PDE2A: variants seen among roughly 807,000 people sequenced by gnomAD.
The protein encoded by PDE2A is phosphodiesterase 2A, also known as cGMP-dependent 3',5'-cyclic phosphodiesterase.
Under a neutral mutation model 133.6 loss-of-function variants are expected in PDE2A, and 53 were observed. The observed-to-expected ratio is 0.40, with a 90% confidence interval of 0.32 to 0.50. The LOEUF (loss-of-function observed/expected upper bound fraction) is 0.50, where lower values mean the gene tolerates loss of function less well. PDE2A is among the 20% of genes least tolerant of loss of function. The probability of loss-of-function intolerance (pLI) is 0.73; values close to 1 mark genes in which losing one functional copy is unlikely to be tolerated. For missense variants in PDE2A, 796 were observed against 1,232.4 expected (o/e 0.65, Z 5.30); for synonymous variants, 491 against 490.2 (o/e 1.00, Z -0.02).
At chr11:72,652,838 C>G (rs571864720) in intron 1 of PDE2A, 1 of 402,768 alleles carries the variant, frequency 2.5e-6, no homozygotes, top group Non-Finnish European at 4.9e-6. Flanking sequence ...TCCCCCAGTC[C>G]TTCCTTGGCT....
At position 72,608,843 on chromosome 11, in the gene PDE2A, T is replaced by C. The variant is rs1857084914; in HGVS notation, c.145-92A>G. ...GGACTGTGAGCAAAACCCCCCAGCTTAGTCCAGAGCCCGAGTCTTTCAGGC... is the reference window on the plus strand; with the variant it reads ...GGACTGTGAGCAAAACCCCCCAGCTCAGTCCAGAGCCCGAGTCTTTCAGGC... On this transcript the variant is annotated intron_variant, in intron 2 of 30. Coordinates refer to ENST00000334456, the MANE Select transcript of PDE2A (RefSeq NM_002599.5). 3 of 706,870 alleles carry C rather than the reference T, an allele frequency of 4.2e-6. No homozygotes were observed. In the Admixed American group the frequency reaches 6.3e-5, roughly 15 times the overall value. 43.8% of individuals were successfully genotyped at this position (706,870 alleles called of 1,614,324 possible).
intron 20 of PDE2A, 43 bp from the exon 21 acceptor site, chr11:72,582,609 C>G (rs1426500636): frequency 6.4e-7 from 1 of 1,564,978 alleles, no homozygotes; most frequent in Admixed American, 1.8e-5. Flanking sequence ...GCCTTCACCC[C>G]ATCTGGTGTC....
chr11:72,629,189 C>A (rs375936526), intron 2 of PDE2A, among the ~76,000 whole-genome samples: 14 of 152,312 alleles, frequency 9.2e-5, no homozygotes, highest in African/African-American at 3.4e-4. Flanking sequence ...GTGGGGCCGA[C>A]CCAGGGAAGC....
At chr11:72,667,887 G>A (rs1339189216) in intron 1 of PDE2A, among the ~76,000 whole-genome samples, 1 of 151,468 alleles carries the variant, frequency 6.6e-6, no homozygotes, top group East Asian at 1.9e-4. Context: ...AAAAAAAAGG[G>A]TGAGGGAAGA....
chr11:72,650,876 T>TACACACACACACAC (rs58905066), intron 1 of PDE2A, among the ~76,000 whole-genome samples: 3 of 130,386 alleles, frequency 2.3e-5, no homozygotes, highest in East Asian at 4.8e-4. Context: ...CAGTCCCCAC[T>TACACACACACACAC]ACACACACAC....
At chr11:72,663,981 C>A (rs562549744) in intron 1 of PDE2A, among the ~76,000 whole-genome samples, 3 of 152,296 alleles carry the variant, frequency 2.0e-5, no homozygotes, top group Admixed American at 6.5e-5. Flanking sequence ...GGCTCCCTTG[C>A]CCCCTGGCAT....
At chr11:72,579,079 G>A (rs1591007971) in intron 27 of PDE2A, 70 bp from the exon 28 acceptor site, 2 of 1,220,906 alleles carry the variant, frequency 1.6e-6, no homozygotes, top group East Asian at 2.4e-5. Flanking sequence ...AAGGCTCCCA[G>A]GGCCCAACCC....
chr11:72,582,650 G>GA lies in PDE2A; in HGVS notation c.1729-85dup. 1.3e-5 allele frequency: 18 copies of GA among 1,370,118 alleles called. No individual in the cohort carries two copies. In the South Asian group the frequency reaches 2.2e-4, roughly 16 times the overall value. The allele number at this position is 1,370,118 out of a possible 1,614,324, so 84.9% of individuals were successfully genotyped here. A position where few individuals can be genotyped will look rare whatever the true frequency, so the allele number is the denominator to read the frequency against. On this transcript the variant is annotated intron_variant, in intron 20 of 30. Coordinates refer to ENST00000334456, the MANE Select transcript of PDE2A (RefSeq NM_002599.5). Reference sequence around the variant, plus strand: ...CCTCAAATTCCCATGGCAGGTGGGGGATCCGTCACCCAGAATGTACCACAG... The same window carrying GA: ...CCTCAAATTCCCATGGCAGGTGGGGGAATCCGTCACCCAGAATGTACCACAG...
chr11:72,581,117 A>G, intron 23 of PDE2A, 144 bp from the exon 24 acceptor site: 2 of 739,638 alleles, frequency 2.7e-6, no homozygotes, highest in Non-Finnish European at 4.7e-6. Flanking sequence ...CCTGGAAAGA[A>G]GCACTGGTTT....
At chr11:72,668,371 G>A (rs1471012630) in intron 1 of PDE2A, 2 of 718,592 alleles carry the variant, frequency 2.8e-6, no homozygotes, top group Non-Finnish European at 5.2e-6. Flanking sequence ...TGGGTTTGTG[G>A]TGAGGATTAA....
At chr11:72,673,964 C>T (rs923273159) in intron 1 of PDE2A, among the ~76,000 whole-genome samples, 173 bp downstream of exon 1, 2 of 152,176 alleles carry the variant, frequency 1.3e-5, no homozygotes, top group African/African-American at 4.8e-5. Context: ...GTAACCTGCC[C>T]CCACCCCAGG....
chr11:72,578,419 G>C lies in PDE2A; in HGVS notation c.2508+57C>G, dbSNP rs190132700. ...GGTCAGGCTAGTTCAAGCCCTCCCT[G>C]TCCCAGGCCAGGAACCCTCCCCCAT... On this transcript the variant is annotated intron_variant, in intron 29 of 30. Coordinates refer to ENST00000334456, the MANE Select transcript of PDE2A (RefSeq NM_002599.5). This position sits in a 1 kb window ranked among gnomAD's most constrained non-coding sequence, Gnocchi z 4.2. The C allele has an allele frequency of 4.4e-6, 7 of 1,584,274 alleles. No individual in the cohort carries two copies. In the African/African-American group the frequency reaches 6.7e-5, roughly 15 times the overall value.
Position 72,597,471 on chromosome 11 carries a change from TGCCCC to T in PDE2A, c.433+34_433+38del. The T allele has an allele frequency of 3.4e-6, 1 of 295,402 alleles. No individual in the cohort carries two copies. The highest frequency in any genetic ancestry group is 4.2e-6 in the Non-Finnish European group (1 of 240,004). 18.3% of individuals were successfully genotyped at this position (295,402 alleles called of 1,614,324 possible). ...GAGTGCAGGGGCCACAGTCCCTCCC[TGCCCC>T]TGCCCCTGCCCCTGCCCAGCCCCTA... On this transcript the variant is annotated intron_variant, in intron 5 of 30. Coordinates refer to ENST00000334456, the MANE Select transcript of PDE2A (RefSeq NM_002599.5). The surrounding 1 kb of genome is among the most constrained non-coding windows in gnomAD (Gnocchi z 4.6).
chr11:72,598,419 G>T, intron 4 of PDE2A: 5 of 966,932 alleles, frequency 5.2e-6, no homozygotes, highest in Non-Finnish European at 7.2e-6. Context: ...AGGGGAGGTT[G>T]GTATGGGAAG....
At chr11:72,584,450 C>G (rs980372925) in intron 18 of PDE2A, 101 bp downstream of exon 18, 2 of 1,396,904 alleles carry the variant, frequency 1.4e-6, no homozygotes, top group African/African-American at 1.4e-5. Context: ...CCTTATGCTC[C>G]GGGACGCTGG....
intron 2 of PDE2A, among the ~76,000 whole-genome samples, chr11:72,620,293 AC>A (rs1440691222): frequency 6.6e-6 from 1 of 151,938 alleles, no homozygotes; most frequent in East Asian, 1.9e-4. Context: ...TGTGCTCTCC[AC>A]CTACCCCTCA....
chr11:72,610,582 A>G (rs894862023), intron 2 of PDE2A, among the ~76,000 whole-genome samples: 1 of 151,638 alleles, frequency 6.6e-6, no homozygotes, highest in African/African-American at 2.4e-5. Context: ...GCTTTCCCCA[A>G]CCCCCAGGCT....
At chr11:72,586,264 G>T in intron 13 of PDE2A, 83 bp from the exon 14 acceptor site, 1 of 827,744 alleles carries the variant, frequency 1.2e-6, no homozygotes, top group South Asian at 1.4e-5. Context: ...TCCATCAGAA[G>T]CCCACAGGGG....
intron 1 of PDE2A, among the ~76,000 whole-genome samples, chr11:72,672,924 T>G (rs1448900376): frequency 2.0e-5 from 3 of 151,828 alleles, no homozygotes; most frequent in African/African-American, 4.8e-5. Flanking sequence ...AGCTGTATCC[T>G]CAATTGCCAG....
Sources: gnomAD v4.1 joint callset for allele counts (sites outside exome capture counted in the v4.1 genomes callset) on GRCh38, gnomAD v4.1.1 for gene constraint, Gnocchi (gnomAD v3.1) non-coding constraint, MANE v1.5 for transcripts, NCBI Gene and HGNC (gene_info 2026-07-23, HGNC 2026-07-21) for gene names.